Variants in XKR6 observed in about 807,000 individuals in gnomAD.
The protein encoded by XKR6 is XK related 6.
Under a neutral mutation model 56.7 loss-of-function variants are expected in XKR6, and 22 were observed. The observed-to-expected ratio is 0.39, with a 90% CI of 0.28 to 0.55. The LOEUF is 0.55. XKR6 is among the 20% of genes least tolerant of loss of function. XKR6 has a pLI of 0.66. For missense variants in XKR6, 852 were observed against 889.0 expected (o/e 0.96, Z 0.53); for synonymous variants, 524 against 387.8 (o/e 1.35, Z -4.13).
At chr8:11,192,494 A>C (rs1408535677) in intron 1 of XKR6, among the ~76,000 whole-genome samples, 1 of 151,978 alleles carries the variant, frequency 6.6e-6, no homozygotes, top group African/African-American at 2.4e-5. Context: ...ACACGCCTCA[A>C]GCCCCAGCTA....
intron 1 of XKR6, among the ~76,000 whole-genome samples, chr8:10,945,742 T>G (rs958760731): frequency 1.3e-5 from 2 of 152,206 alleles, no homozygotes; most frequent in Non-Finnish European, 2.9e-5. Context: ...TTCATATGTC[T>G]CTATTCCAAG....
At chr8:10,993,289 A>G (rs913027656) in intron 1 of XKR6, among the ~76,000 whole-genome samples, 1 of 152,154 alleles carries the variant, frequency 6.6e-6, no homozygotes, top group African/African-American at 2.4e-5. Flanking sequence ...AGCACCTACC[A>G]CTTGCAGCAG....
chr8:11,171,258 G>A (rs977249605), intron 1 of XKR6, among the ~76,000 whole-genome samples: 3 of 152,192 alleles, frequency 2.0e-5, no homozygotes, highest in Non-Finnish European at 4.4e-5. Flanking sequence ...TTATCATTAA[G>A]TGCACACCCA....
At chr8:11,089,714 C>T (rs965696195) in intron 1 of XKR6, among the ~76,000 whole-genome samples, 1 of 152,188 alleles carries the variant, frequency 6.6e-6, no homozygotes, top group African/African-American at 2.4e-5. Flanking sequence ...TGTACACCCA[C>T]TCAGCTTTGA....
intron 1 of XKR6, among the ~76,000 whole-genome samples, chr8:11,045,358 G>C (rs943355531): frequency 1.3e-5 from 2 of 151,902 alleles, no homozygotes; most frequent in African/African-American, 4.8e-5. Flanking sequence ...AGAGTGCTGG[G>C]ATTATAGGTG....
At chr8:11,158,394 A>G (rs1347870364) in intron 1 of XKR6, among the ~76,000 whole-genome samples, 1 of 152,200 alleles carries the variant, frequency 6.6e-6, no homozygotes, top group Admixed American at 6.5e-5. Flanking sequence ...GCAAGAGAAC[A>G]TGACCAGTTG....
At chr8:11,125,098 A>AAG (rs201137179) in intron 1 of XKR6, among the ~76,000 whole-genome samples, 7,471 of 148,148 alleles carry the variant, frequency 0.05, 190 homozygotes, top group South Asian at 0.074. Context: ...CAAAAAAAAA[A>AAG]AAAAAGAAAA....
intron 1 of XKR6, among the ~76,000 whole-genome samples, chr8:11,037,843 G>A (rs1175264547): frequency 6.9e-6 from 1 of 145,158 alleles, no homozygotes; most frequent in Non-Finnish European, 1.5e-5. Context: ...GGATGACAGA[G>A]CGAGACTTGG....
chr8:11,147,814 T>C (rs1043796122), intron 1 of XKR6, among the ~76,000 whole-genome samples: 4 of 152,150 alleles, frequency 2.6e-5, no homozygotes, highest in African/African-American at 9.7e-5. Flanking sequence ...TGGCAAGTAT[T>C]ACAGGCTGAA....
chr8:11,145,691 A>G (rs565352822), intron 1 of XKR6, among the ~76,000 whole-genome samples: 1 of 152,344 alleles, frequency 6.6e-6, no homozygotes, highest in Non-Finnish European at 1.5e-5. Flanking sequence ...CATAATTGCT[A>G]AGAGAAATTA....
intron 2 of XKR6, among the ~76,000 whole-genome samples, chr8:10,904,361 G>A (rs1397446808): frequency 6.6e-6 from 1 of 152,150 alleles, no homozygotes. Flanking sequence ...CAGCCCTGGG[G>A]TCTCAGGTTC....
intron 1 of XKR6, among the ~76,000 whole-genome samples, chr8:11,142,492 T>C (rs1239636995): frequency 1.3e-5 from 2 of 152,128 alleles, no homozygotes; most frequent in Non-Finnish European, 2.9e-5. Flanking sequence ...GGTGTTTGGA[T>C]CATGGGAGCA....
At chr8:11,082,572 T>C (rs1189461158) in intron 1 of XKR6, among the ~76,000 whole-genome samples, 1 of 152,342 alleles carries the variant, frequency 6.6e-6, no homozygotes, top group African/African-American at 2.4e-5. Context: ...TTCTTTGAGG[T>C]GGCGGACCAC....
chr8:11,059,051 G>A (rs1038599532), intron 1 of XKR6, among the ~76,000 whole-genome samples: 3 of 152,036 alleles, frequency 2.0e-5, no homozygotes, highest in Non-Finnish European at 4.4e-5. Flanking sequence ...GCCAGAAAGC[G>A]GGGCAGGACC....
intron 1 of XKR6, among the ~76,000 whole-genome samples, chr8:10,947,365 T>G (rs1246803783): frequency 1.3e-5 from 2 of 152,118 alleles, no homozygotes; most frequent in Non-Finnish European, 2.9e-5. Context: ...CGTGTCTCTA[T>G]GAAGCACAAG....
chr8:11,013,831 G>A (rs147260132), intron 1 of XKR6, among the ~76,000 whole-genome samples: 35 of 152,354 alleles, frequency 2.3e-4, no homozygotes, highest in African/African-American at 8.2e-4. Flanking sequence ...GCTGTGTGAA[G>A]TCCTGGGACC....
At chr8:11,002,699 C>T (rs577290445) in intron 1 of XKR6, among the ~76,000 whole-genome samples, 2 of 152,354 alleles carry the variant, frequency 1.3e-5, no homozygotes, top group Admixed American at 6.5e-5. Flanking sequence ...GGGGGTGGTG[C>T]GAGTTCAACG....
intron 1 of XKR6, among the ~76,000 whole-genome samples, chr8:10,939,661 G>C (rs538018429): frequency 6.6e-5 from 10 of 152,362 alleles, no homozygotes; most frequent in Admixed American, 6.5e-5. Context: ...CTCCAGGCTG[G>C]TTCGTAAAGC....
At chr8:11,112,068 A>C (rs762584773) in intron 1 of XKR6, among the ~76,000 whole-genome samples, 1 of 152,260 alleles carries the variant, frequency 6.6e-6, no homozygotes, top group Non-Finnish European at 1.5e-5. Context: ...GGCAGTTTTC[A>C]TAAAGCAAAA....
Sources: gnomAD v4.1 joint callset for allele counts (sites outside exome capture counted in the v4.1 genomes callset) on GRCh38, gnomAD v4.1.1 for gene constraint, MANE v1.5 for transcripts, NCBI Gene and HGNC (gene_info 2026-07-23, HGNC 2026-07-21) for gene names.